The following PCDHGA1 variants were observed in gnomAD, a reference collection of about 807,000 sequenced individuals.
The protein encoded by PCDHGA1 is protocadherin gamma-A1.
In PCDHGA1, 32 loss-of-function variants were observed where a neutral mutation model predicts 58.0. The ratio of observed to expected loss-of-function variants is 0.55; its 90% CI spans 0.42 to 0.74. The LOEUF is 0.74. PCDHGA1 is among the 30% of genes least tolerant of loss of function. The probability of loss-of-function intolerance (pLI) is 0.00; values close to 1 mark genes in which losing one functional copy is unlikely to be tolerated. For synonymous variants in PCDHGA1, 498 were observed against 501.1 expected, an observed-to-expected ratio of 0.99 and a Z score of 0.08; for missense variants, 1,205 against 1,182.3, an observed-to-expected ratio of 1.02 and a Z score of -0.28.
At chr5:141,383,577 C>T in intron 1 of PCDHGA1, 1 of 1,613,420 alleles carries the variant, frequency 6.2e-7, no homozygotes, top group Non-Finnish European at 8.5e-7. Context: ...CCAGCACCGC[C>T]CACATCCAGG....
At chr5:141,395,398 T>A (rs976008795) in intron 1 of PCDHGA1, 8 of 863,662 alleles carry the variant, frequency 9.3e-6, no homozygotes, top group South Asian at 2.0e-5. Context: ...TGAACTCTAA[T>A]AGTCATAGGT....
chr5:141,418,533 C>G, intron 1 of PCDHGA1: 1 of 1,614,032 alleles, frequency 6.2e-7, no homozygotes, highest in Non-Finnish European at 8.5e-7. Flanking sequence ...CGAAGCGGTA[C>G]TGCTCAGATA....
intron 1 of PCDHGA1, among the ~76,000 whole-genome samples, chr5:141,387,464 C>T (rs2240699): frequency 0.55 from 83,096 of 152,122 alleles, 25,275 homozygotes; most frequent in African/African-American, 0.83. Context: ...CCTAAAAATC[C>T]TCAAAGTTGG....
chr5:141,428,121 G>T (rs764584436), intron 1 of PCDHGA1: 1 of 1,605,860 alleles, frequency 6.2e-7, no homozygotes. Context: ...CATCGAGCCC[G>T]GGCTTTTCAG....
chr5:141,473,975 G>T (rs188916402), intron 1 of PCDHGA1, among the ~76,000 whole-genome samples: 1 of 152,104 alleles, frequency 6.6e-6, no homozygotes, highest in Non-Finnish European at 1.5e-5. Flanking sequence ...AGTCTGAGGC[G>T]GGAGGATCCC....
At chr5:141,366,297 C>G in intron 1 of PCDHGA1, 1 of 1,613,766 alleles carries the variant, frequency 6.2e-7, no homozygotes. Flanking sequence ...CCTCTGTCAG[C>G]CACCTTCACG....
intron 1 of PCDHGA1, chr5:141,364,951 T>G: frequency 6.2e-7 from 1 of 1,613,774 alleles, no homozygotes; most frequent in East Asian, 2.2e-5. Context: ...AAGAGACTGT[T>G]CACGACCTCC....
chr5:141,360,370 C>A lies in PCDHGA1; in HGVS notation c.2421+27265C>A, dbSNP rs115198789. On this transcript the variant is annotated intron_variant, in intron 1 of 3. Coordinates refer to ENST00000517417, the MANE Select transcript of PCDHGA1 (RefSeq NM_018912.3). ...GGAGAAGGAATATTTCACAGTAAAC[C>A]CAGAAAGCGGAGACTTACTTGTGAG... The A allele has an allele frequency of 5.9e-5, 95 of 1,613,810 alleles. No homozygotes were observed. The highest frequency in any genetic ancestry group is 3.1e-4 in the African/African-American group (23 of 75,012).
At chr5:141,483,122 A>G (rs1159736878) in intron 1 of PCDHGA1, among the ~76,000 whole-genome samples, 1 of 152,166 alleles carries the variant, frequency 6.6e-6, no homozygotes, top group Non-Finnish European at 1.5e-5. Context: ...CAGTCTTTGT[A>G]GGAGATGAGG....
At chr5:141,371,758 C>T (rs2149991096) in intron 1 of PCDHGA1, 2 of 1,614,030 alleles carry the variant, frequency 1.2e-6, no homozygotes, top group Non-Finnish European at 8.5e-7. Flanking sequence ...TTCCACCAGG[C>T]CTCCTACACC....
intron 1 of PCDHGA1, chr5:141,418,608 G>A (rs1265400499): frequency 6.2e-7 from 1 of 1,614,040 alleles, no homozygotes; most frequent in Admixed American, 1.7e-5. Flanking sequence ...TACAGGGTTA[G>A]CCTTCGGGAA....
chr5:141,442,014 G>T, intron 1 of PCDHGA1: 1 of 220,044 alleles, frequency 4.5e-6, no homozygotes, highest in Non-Finnish European at 9.2e-6. Flanking sequence ...TCGCACGATG[G>T]GCCACAGGAA....
chr5:141,428,082 G>A lies in PCDHGA1; in HGVS notation c.2422-66725G>A, dbSNP rs776612130. 2.5e-6 allele frequency: 4 copies of A among 1,609,030 alleles called. No individual in the cohort carries two copies. In the African/African-American group the frequency reaches 5.3e-5, roughly 21 times the overall value. On this transcript the variant is annotated intron_variant, in intron 1 of 3. Transcript: ENST00000517417. ...GGTGGACGCAGATTCGGGACACAACGCTTGGCTGTCCTACCACGTGCTGCA... is the reference window on the plus strand; with the variant it reads ...GGTGGACGCAGATTCGGGACACAACACTTGGCTGTCCTACCACGTGCTGCA...
intron 1 of PCDHGA1, chr5:141,344,105 C>T (rs199763392): frequency 6.2e-7 from 1 of 1,613,834 alleles, no homozygotes; most frequent in South Asian, 1.1e-5. Flanking sequence ...GGACGCTGTG[C>T]GAAACAGGAT....
chr5:141,370,936 T>C (rs1410454711), intron 1 of PCDHGA1: 1 of 1,613,960 alleles, frequency 6.2e-7, no homozygotes, highest in South Asian at 1.1e-5. Flanking sequence ...TTCTCTTTGA[T>C]TCAGAAGGAG....
At chr5:141,404,616 A>G (rs940307932) in intron 1 of PCDHGA1, 3 of 1,614,168 alleles carry the variant, frequency 1.9e-6, no homozygotes, top group Non-Finnish European at 2.5e-6. Flanking sequence ...GTTTTGGACC[A>G]GAATGACAAT....
At chr5:141,404,692 C>G (rs543452623) in intron 1 of PCDHGA1, 2 of 1,614,080 alleles carry the variant, frequency 1.2e-6, no homozygotes, top group South Asian at 2.2e-5. Context: ...TGGCACCCCG[C>G]TCTGCAGAGC....
chr5:141,348,614 T>C (rs1195688404), intron 1 of PCDHGA1, among the ~76,000 whole-genome samples: 1 of 152,210 alleles, frequency 6.6e-6, no homozygotes, highest in Admixed American at 6.5e-5. Context: ...CCCATACAAT[T>C]CCACCTACTT....
At chr5:141,339,256 C>G in intron 1 of PCDHGA1, 1 of 1,614,252 alleles carries the variant, frequency 6.2e-7, no homozygotes, top group Non-Finnish European at 8.5e-7. Flanking sequence ...GGGAGGAGCT[C>G]TGCGCTCAGA....
Sources: gnomAD v4.1 joint callset for allele counts (sites outside exome capture counted in the v4.1 genomes callset) on GRCh38, gnomAD v4.1.1 for gene constraint, MANE v1.5 for transcripts, NCBI Gene and HGNC (gene_info 2026-07-23, HGNC 2026-07-21) for gene names.